DRAXIN: variants seen among roughly 807,000 people sequenced by gnomAD.
DRAXIN encodes the protein dorsal repulsive axon guidance protein.
Under a neutral mutation model 33.9 loss-of-function variants are expected in DRAXIN, and 27 were observed. The observed-to-expected ratio is 0.80, with a 90% CI of 0.59 to 1.10. The LOEUF (loss-of-function observed/expected upper bound fraction) is 1.10. DRAXIN is among the 50% of genes least tolerant of loss of function. The pLI is 0.00. For synonymous variants in DRAXIN, 178 were observed against 194.0 expected, an observed-to-expected ratio of 0.92 and a Z score of 0.69; for missense variants, 371 against 460.8, an observed-to-expected ratio of 0.81 and a Z score of 1.78.
Position 11,706,834 on chromosome 1 carries a change from G to GCT in DRAXIN, c.451+126_451+127insTC. On this transcript the variant is annotated intron_variant, in intron 2 of 6. Coordinates refer to ENST00000294485, the MANE Select transcript of DRAXIN (RefSeq NM_198545.4). This position sits in a 1 kb window ranked among gnomAD's most constrained non-coding sequence, Gnocchi z 5.5. ...AGAGGAGAGGAGGGGTCTCACTGAAGCCAGAGGGACCTGGTAAGGGGAGGA... is the reference window on the plus strand; with the variant it reads ...AGAGGAGAGGAGGGGTCTCACTGAAGCTCCAGAGGGACCTGGTAAGGGGAGGA... 1 of 1,069,674 alleles carries GCT rather than the reference G, an allele frequency of 9.3e-7. No individual in the cohort carries two copies. Among genetic ancestry groups the GCT allele is most frequent in the Non-Finnish European group, 1.3e-6 (1 of 768,510 alleles). 66.3% of individuals were successfully genotyped at this position (1,069,674 alleles called of 1,614,324 possible).
At chr1:11,699,047 A>C (rs900817837) in intron 1 of DRAXIN, among the ~76,000 whole-genome samples, 1 of 152,190 alleles carries the variant, frequency 6.6e-6, no homozygotes, top group African/African-American at 2.4e-5. Flanking sequence ...ACCCTACTGG[A>C]TATTGTCTGT....
rs1183752689 is a variant in DRAXIN, at chr1:11,705,068, C to A, written c.-10-1181C>A. On this transcript the variant is annotated intron_variant, in intron 1 of 6. Coordinates refer to ENST00000294485, the MANE Select transcript of DRAXIN (RefSeq NM_198545.4). This position sits in a 1 kb window ranked among gnomAD's most constrained non-coding sequence, Gnocchi z 4.8. ...GCATGGGGGCCGCAGGGAGAGGCGC[C>A]GGGAAGCAGGGAAACATCACAGGCC... 6.6e-6 allele frequency among the ~76,000 whole-genome samples: 1 copy of A among 152,164 alleles called. No homozygotes were observed. The highest frequency in any genetic ancestry group is 2.4e-5 in the African/African-American group (1 of 41,440).
In DRAXIN at chr1:11,710,499, GA is replaced by G. The variant is rs879622557; in HGVS notation, c.642+1044del. ...GACAGAGTGAGACCCTGTCTCAAGG[GA>G]AAAAAAAAATGTGGAGAGAAAGTAA... On this transcript the variant is annotated intron_variant, in intron 3 of 6. Transcript: ENST00000294485. 2.4e-3 allele frequency among the ~76,000 whole-genome samples: 353 copies of G among 149,534 alleles called. 1 individual carries two copies. Among genetic ancestry groups the G allele is most frequent in the Non-Finnish European group, 4.2e-3 (279 of 66,934 alleles).
At chr1:11,711,823 C>T in intron 3 of DRAXIN, 28 bp from the exon 4 acceptor site, 1 of 1,589,302 alleles carries the variant, frequency 6.3e-7, no homozygotes, top group Non-Finnish European at 8.6e-7. Flanking sequence ...TTGAAGGTTC[C>T]AACATCCCCC....
chr1:11,719,472 G>A (rs977937618), intron 6 of DRAXIN, 112 bp from the exon 7 acceptor site: 278 of 913,812 alleles, frequency 3.0e-4, no homozygotes, highest in Non-Finnish European at 4.2e-4. Flanking sequence ...CTGGGTTGTA[G>A]GGCAGAATAA....
upstream of DRAXIN, among the ~76,000 whole-genome samples, chr1:11,689,270 G>T (rs1285354760): frequency 7.5e-6 from 1 of 132,874 alleles, no homozygotes; most frequent in Admixed American, 8.3e-5. Flanking sequence ...ACAAGCCTGG[G>T]CAACAAAGTG....
chr1:11,716,548 CAG>C (rs1389225587), intron 6 of DRAXIN, among the ~76,000 whole-genome samples: 1 of 152,248 alleles, frequency 6.6e-6, no homozygotes, highest in Non-Finnish European at 1.5e-5. Flanking sequence ...ATATTAGCCT[CAG>C]AGAGTTATCT....
chr1:11,690,627 G>A (rs894654281), upstream of DRAXIN, among the ~76,000 whole-genome samples: 8 of 152,182 alleles, frequency 5.3e-5, no homozygotes, highest in Non-Finnish European at 1.2e-4. The surrounding 1 kb of genome is among the most constrained non-coding windows in gnomAD (Gnocchi z 4.2). Context: ...GAAAACAGTC[G>A]AAATGGAAGC....
At chr1:11,695,607 A>AT (rs1641178822) in intron 1 of DRAXIN, among the ~76,000 whole-genome samples, 1 of 100,314 alleles carries the variant, frequency 1.0e-5, no homozygotes, top group East Asian at 2.6e-4. Context: ...GTCTCAAAAA[A>AT]AAAAATATAT....
At chr1:11,695,345 G>A (rs1210354507) in intron 1 of DRAXIN, among the ~76,000 whole-genome samples, 4 of 152,156 alleles carry the variant, frequency 2.6e-5, no homozygotes, top group African/African-American at 9.6e-5. Flanking sequence ...TTGGGAGGCC[G>A]AGGCAGCTAG....
At chr1:11,709,518 A>G in intron 3 of DRAXIN, 53 bp downstream of exon 3, 1 of 1,554,258 alleles carries the variant, frequency 6.4e-7, no homozygotes, top group South Asian at 1.2e-5. Flanking sequence ...AGCCCATGTC[A>G]TGGAAAGCCC....
chr1:11,715,696 C>A (rs1300631927), intron 6 of DRAXIN, among the ~76,000 whole-genome samples: 21 of 152,172 alleles, frequency 1.4e-4, no homozygotes, highest in Admixed American at 1.4e-3. Flanking sequence ...CTCCTCCGTG[C>A]CCCCACCTCG....
rs1238276015 is a variant in DRAXIN, at chr1:11,698,286, G to C, written c.-11+6433G>C. Among the ~76,000 whole-genome samples the C allele has an allele frequency of 5.9e-5, 9 of 152,146 alleles. No homozygotes were observed. In the East Asian group the frequency reaches 1.7e-3, roughly 29 times the overall value. ...ACAGTTGTTCCCCAACTCTCATGTAGGATATGACTGTTTTGACTGAACAAG... is the reference window on the plus strand; with the variant it reads ...ACAGTTGTTCCCCAACTCTCATGTACGATATGACTGTTTTGACTGAACAAG... On this transcript the variant is annotated intron_variant, in intron 1 of 6. Coordinates refer to ENST00000294485, the MANE Select transcript of DRAXIN (RefSeq NM_198545.4).
At position 11,706,468 on chromosome 1, in the gene DRAXIN, C is replaced by A. The variant is rs1016502379; in HGVS notation, c.210C>A (p.Gly70=). The change falls in exon 2 of 7, where the codon GGC becomes GGA. Residue 70 remains glycine (G), a synonymous_variant. Coordinates refer to ENST00000294485, the MANE Select transcript of DRAXIN (RefSeq NM_198545.4). This position sits in a 1 kb window ranked among gnomAD's most constrained non-coding sequence, Gnocchi z 5.5. ...CGGGCAAGAAGGAGTGGGGCCCAGG[C>A]CTGCCCAGCCAGGCCCAGGATGGGG... ...RGPGKKEWGP[G]LPSQAQDGAV... 1 of 1,610,662 alleles carries A rather than the reference C, an allele frequency of 6.2e-7. No homozygotes were observed. The highest frequency in any genetic ancestry group is 8.5e-7 in the Non-Finnish European group (1 of 1,178,964).
intron 1 of DRAXIN, among the ~76,000 whole-genome samples, chr1:11,697,040 A>AT (rs1247749961): frequency 4.8e-5 from 3 of 62,614 alleles, no homozygotes; most frequent in African/African-American, 3.0e-4. Flanking sequence ...CATCTTAATA[A>AT]TTAAAAAAAA....
At chr1:11,713,806 C>T (rs111274101) in intron 5 of DRAXIN, among the ~76,000 whole-genome samples, 2,660 of 152,142 alleles carry the variant, frequency 0.017, 45 homozygotes, top group Middle Eastern at 0.041. Context: ...TTTGGGAGGC[C>T]GAGATGGGTG....
chr1:11,688,117 C>T (rs1252990362), upstream of DRAXIN, among the ~76,000 whole-genome samples: 1 of 152,200 alleles, frequency 6.6e-6, no homozygotes, highest in East Asian at 1.9e-4. The surrounding 1 kb of genome is among the most constrained non-coding windows in gnomAD (Gnocchi z 4.6). Context: ...TACTGGCCCA[C>T]AGCTCTATCC....
In DRAXIN at chr1:11,702,457, CACAT is replaced by C. The variant is rs759410130; in HGVS notation, c.-10-3785_-10-3782del. On this transcript the variant is annotated intron_variant, in intron 1 of 6. Transcript: ENST00000294485. Reference sequence around the variant, plus strand: ...CTAACACTCCTACACACTCACAACACACATACATACCTACACACCCACACATATT... The same window carrying C: ...CTAACACTCCTACACACTCACAACACACATACCTACACACCCACACATATT... 1.3e-4 allele frequency among the ~76,000 whole-genome samples: 19 copies of C among 151,822 alleles called. 2 individuals carry two copies. Among genetic ancestry groups the C allele is most frequent in the East Asian group, 1.9e-4 (1 of 5,160 alleles).
chr1:11,701,491 G>C (rs1020110869), intron 1 of DRAXIN, among the ~76,000 whole-genome samples: 1 of 152,224 alleles, frequency 6.6e-6, no homozygotes, highest in African/African-American at 2.4e-5. Context: ...ACAGCTGCTC[G>C]GGGACAGCAG....
Sources: allele counts gnomAD v4.1 joint callset (sites outside exome capture counted in the v4.1 genomes callset), GRCh38; gene constraint gnomAD v4.1.1; non-coding constraint Gnocchi (gnomAD v3.1); transcripts MANE v1.5; gene names NCBI Gene and HGNC (gene_info 2026-07-23, HGNC 2026-07-21).